Variants in PDE3A observed in about 807,000 individuals in gnomAD.
PDE3A encodes the protein cGMP-inhibited 3',5'-cyclic phosphodiesterase 3A.
PDE3A carries 43 observed loss-of-function variants against 98.3 expected under a neutral mutation model. The observed-to-expected ratio is 0.44, with a 90% CI of 0.34 to 0.56. The LOEUF is 0.56. PDE3A is among the 20% of genes least tolerant of loss of function. The pLI is 0.01. For synonymous variants in PDE3A, 663 were observed against 567.9 expected (o/e 1.17, Z -2.38); for missense variants, 1,427 against 1,440.7 (o/e 0.99, Z 0.15).
intron 5 of PDE3A, among the ~76,000 whole-genome samples, chr12:20,624,619 G>A (rs902398443): frequency 6.6e-6 from 1 of 152,090 alleles, no homozygotes; most frequent in African/African-American, 2.4e-5. Context: ...TTGCATTGTG[G>A]CATCTTTAGA....
intron 1 of PDE3A, among the ~76,000 whole-genome samples, chr12:20,503,920 T>C (rs1482173909): frequency 6.6e-6 from 1 of 152,106 alleles, no homozygotes; most frequent in Non-Finnish European, 1.5e-5. Flanking sequence ...AAATTTTTTG[T>C]TGAAAAAGAA....
At chr12:20,444,126 G>A (rs1267781880) in intron 1 of PDE3A, among the ~76,000 whole-genome samples, 4 of 152,068 alleles carry the variant, frequency 2.6e-5, no homozygotes, top group African/African-American at 4.8e-5. Flanking sequence ...AGATGATACA[G>A]CATGCCATTC....
intron 1 of PDE3A, among the ~76,000 whole-genome samples, chr12:20,507,537 A>G (rs1389413357): frequency 1.3e-5 from 2 of 151,988 alleles, no homozygotes; most frequent in Non-Finnish European, 2.9e-5. Flanking sequence ...CCACACTCAT[A>G]TATCCAATTG....
chr12:20,470,687 G>T (rs1281921039), intron 1 of PDE3A, among the ~76,000 whole-genome samples: 2 of 152,166 alleles, frequency 1.3e-5, no homozygotes, highest in African/African-American at 4.8e-5. Context: ...TTGGAATTAT[G>T]AATCTGTATG....
At chr12:20,651,451 G>A (rs572966658) in intron 14 of PDE3A, among the ~76,000 whole-genome samples, 7 of 152,196 alleles carry the variant, frequency 4.6e-5, no homozygotes, top group South Asian at 4.2e-4. Flanking sequence ...TTTAGAAATC[G>A]GTTAATCAAC....
At chr12:20,493,534 G>C (rs981327099) in intron 1 of PDE3A, among the ~76,000 whole-genome samples, 2 of 152,080 alleles carry the variant, frequency 1.3e-5, no homozygotes, top group Non-Finnish European at 2.9e-5. Flanking sequence ...GATACCAAGG[G>C]TTGACTATAT....
In PDE3A at chr12:20,680,565, A is replaced by T. The variant is rs190257903; in HGVS notation, c.*294A>T. 37 of 289,206 alleles carry T rather than the reference A, an allele frequency of 1.3e-4. No individual in the cohort carries two copies. In the South Asian group the frequency reaches 1.5e-3, roughly 12 times the overall value. The allele number at this position is 289,206 out of a possible 1,614,324, so 17.9% of individuals were successfully genotyped here. ...ACATAGATACATGTAAAACATATTC[A>T]CACCCATGCACGCACACACATACAC... On this transcript the variant is annotated 3_prime_UTR_variant, in exon 16 of 16. Transcript: ENST00000359062.
intron 1 of PDE3A, among the ~76,000 whole-genome samples, chr12:20,452,873 T>G (rs1405918924): frequency 6.6e-6 from 1 of 152,212 alleles, no homozygotes; most frequent in Non-Finnish European, 1.5e-5. Flanking sequence ...CAGACCATGT[T>G]ACCTTGATTA....
intron 4 of PDE3A, among the ~76,000 whole-genome samples, chr12:20,621,010 GAGA>G (rs1425555035): frequency 2.0e-5 from 3 of 152,080 alleles, no homozygotes; most frequent in African/African-American, 7.2e-5. Flanking sequence ...AGAGTACAGT[GAGA>G]AGGTGTTTAA....
intron 2 of PDE3A, among the ~76,000 whole-genome samples, chr12:20,570,516 T>A (rs1211091394): frequency 6.8e-6 from 1 of 147,356 alleles, no homozygotes; most frequent in Non-Finnish European, 1.5e-5. Flanking sequence ...CACAGAGCAG[T>A]CAGATTTTGC....
Position 20,650,493 on chromosome 12 carries a change from C to T in PDE3A, c.2818C>T (p.Leu940=). ...TTGGACCAATGAAAATGATCGTCTA[C>T]TGGTTTGTCAAATGTGTATAAAGTT... is the stretch of plus-strand genomic sequence containing the variant. ...IDWTNENDRL[L]VCQMCIKLAD... is the part of the protein sequence containing the mutation. The change falls in exon 14 of 16, where the codon CTG becomes TTG. Residue 940 remains leucine (L), a synonymous_variant. Transcript: ENST00000359062. The T allele has an allele frequency of 1.2e-6, 2 of 1,610,476 alleles. No individual in the cohort carries two copies. Among genetic ancestry groups the T allele is most frequent in the South Asian group, 1.1e-5 (1 of 90,932 alleles).
chr12:20,423,306 C>T (rs1237564933), intron 1 of PDE3A, among the ~76,000 whole-genome samples: 2 of 151,934 alleles, frequency 1.3e-5, no homozygotes, highest in African/African-American at 4.8e-5. Flanking sequence ...TCTCCCAAAT[C>T]AATCCCTCTC....
chr12:20,369,386 C>G lies in PDE3A; in HGVS notation c.102C>G (p.Asp34Glu), dbSNP rs778291936. The change falls in exon 1 of 16, where the codon GAC becomes GAG. Residue 34 changes from aspartate to glutamate, a missense_variant. Asp to Glu is a conservative substitution (Grantham distance 45). Transcript: ENST00000359062. Reference protein sequence around the residue: ...TAGRDCHHRADPASPRDSGCR... With the variant: ...TAGRDCHHRAEPASPRDSGCR... ...GCCGGGACTGCCACCATCGTGCGGA[C>G]CCCGCATCGCCGCGGGACTCGGGCT... The G allele has an allele frequency of 8.8e-5, 136 of 1,550,478 alleles. No individual in the cohort carries two copies. The highest frequency in any genetic ancestry group is 1.1e-4 in the Non-Finnish European group (128 of 1,147,704).
intron 1 of PDE3A, among the ~76,000 whole-genome samples, chr12:20,377,638 G>A (rs1943595986): frequency 6.6e-6 from 1 of 151,792 alleles, no homozygotes; most frequent in Non-Finnish European, 1.5e-5. Flanking sequence ...AAAATTATAT[G>A]TGTAATCTTG....
chr12:20,678,300 A>T (rs950431590), intron 15 of PDE3A, among the ~76,000 whole-genome samples: 2 of 151,982 alleles, frequency 1.3e-5, no homozygotes, highest in African/African-American at 4.8e-5. Flanking sequence ...TCCTTACCTT[A>T]GGCATTTCCT....
rs1945975420 is a variant in PDE3A at position 20,686,785 on chromosome 12, T to C, written c.*6514T>C. On this transcript the variant is annotated 3_prime_UTR_variant, in exon 16 of 16. Coordinates refer to ENST00000359062, the MANE Select transcript of PDE3A (RefSeq NM_000921.5). ...GCCATAATTAAAAGAAAGAATGGCC[T>C]TCGACTTAAGTTCTAGTTCCTCAAG... Among the ~76,000 whole-genome samples the C allele has an allele frequency of 6.6e-6, 1 of 152,128 alleles. No homozygotes were observed. Among genetic ancestry groups the C allele is most frequent in the South Asian group, 2.1e-4 (1 of 4,834 alleles).
At chr12:20,449,224 C>G (rs569158563) in intron 1 of PDE3A, among the ~76,000 whole-genome samples, 2 of 152,170 alleles carry the variant, frequency 1.3e-5, no homozygotes, top group Non-Finnish European at 2.9e-5. Flanking sequence ...AGAGGAATCT[C>G]CTTTTCTCCT....
At chr12:20,650,363 TA>T (rs1401912979) in intron 13 of PDE3A, 81 bp from the exon 14 acceptor site, 4 of 850,666 alleles carry the variant, frequency 4.7e-6, no homozygotes, top group South Asian at 1.9e-5. Context: ...ATGAAGACAA[TA>T]AATGTTCTAT....
At chr12:20,677,342 T>C (rs1945667381) in intron 15 of PDE3A, among the ~76,000 whole-genome samples, 1 of 152,200 alleles carries the variant, frequency 6.6e-6, no homozygotes, top group Admixed American at 6.5e-5. Context: ...TGGAATCTGT[T>C]GCTGGAGGAT....
Sources: gnomAD v4.1 joint callset for allele counts (sites outside exome capture counted in the v4.1 genomes callset) on GRCh38, gnomAD v4.1.1 for gene constraint, MANE v1.5 for transcripts, NCBI Gene and HGNC (gene_info 2026-07-23, HGNC 2026-07-21) for gene names.